The following GRID2 variants were observed in gnomAD, a reference collection of about 807,000 sequenced individuals.
GRID2 encodes the protein glutamate ionotropic receptor delta type subunit 2, also known as glutamate receptor ionotropic, delta-2.
GRID2 carries 33 observed loss-of-function variants against 114.8 expected under a neutral mutation model. The observed-to-expected ratio is 0.29, with a 90% CI of 0.22 to 0.38. GRID2 has a LOEUF of 0.38. Among genes scored for constraint, GRID2 ranks in the 10% least tolerant of loss-of-function variants. The probability of loss-of-function intolerance (pLI) is 1.00; values close to 1 mark genes in which losing one functional copy is unlikely to be tolerated. For synonymous variants in GRID2, 505 were observed against 449.9 expected, an observed-to-expected ratio of 1.12 and a Z score of -1.55; for missense variants, 1,184 against 1,257.7, an observed-to-expected ratio of 0.94 and a Z score of 0.89.
At chr4:92,611,893 G>A (rs1560488617) in intron 2 of GRID2, among the ~76,000 whole-genome samples, 1 of 150,152 alleles carries the variant, frequency 6.7e-6, no homozygotes, top group Non-Finnish European at 1.5e-5. Flanking sequence ...CTTGATAAGA[G>A]TTTTTTTTTA....
At chr4:92,576,872 G>A (rs971265313) in intron 1 of GRID2, among the ~76,000 whole-genome samples, 5 of 152,018 alleles carry the variant, frequency 3.3e-5, no homozygotes, top group Admixed American at 2.0e-4. Context: ...TTCTGGGTCT[G>A]GGATCTGTTC....
intron 2 of GRID2, among the ~76,000 whole-genome samples, chr4:93,078,890 CTAA>C (rs1729607511): frequency 6.9e-6 from 1 of 144,486 alleles, no homozygotes. Flanking sequence ...TGTATATTTA[CTAA>C]TTTTTGTCTT....
chr4:93,419,391 T>G (rs1324077183), intron 9 of GRID2, among the ~76,000 whole-genome samples: 2 of 152,020 alleles, frequency 1.3e-5, no homozygotes, highest in Non-Finnish European at 2.9e-5. Flanking sequence ...TAAGTATTAC[T>G]GCAGAGAAGG....
At chr4:93,677,873 C>G (rs190551782) in intron 14 of GRID2, among the ~76,000 whole-genome samples, 59 of 152,066 alleles carry the variant, frequency 3.9e-4, no homozygotes, top group African/African-American at 1.1e-3. Flanking sequence ...AAGCAGAGCG[C>G]CTCTCCTCCT....
chr4:93,154,579 A>C (rs1280058242), intron 4 of GRID2, among the ~76,000 whole-genome samples: 2 of 152,030 alleles, frequency 1.3e-5, no homozygotes, highest in Non-Finnish European at 2.9e-5. Context: ...TGCAATGTAC[A>C]GTAAGTAAGA....
At chr4:93,564,066 A>G (rs1332870872) in intron 13 of GRID2, among the ~76,000 whole-genome samples, 11 of 151,982 alleles carry the variant, frequency 7.2e-5, no homozygotes, top group Admixed American at 7.2e-4. Context: ...GAAAATAAAT[A>G]TATAGAAACT....
rs1421896179 is a variant in GRID2 at position 93,070,895 on chromosome 4, C to G, written c.245-14100C>G. Among the ~76,000 whole-genome samples the G allele has an allele frequency of 2.6e-5, 4 of 151,964 alleles. No individual in the cohort carries two copies. In the East Asian group the frequency reaches 7.7e-4, roughly 29 times the overall value. ...TGTGGAGTATGCTAGCTATGAATTTCTAGCTATGAATTAAATGTTCTAATT... is the reference window on the plus strand; with the variant it reads ...TGTGGAGTATGCTAGCTATGAATTTGTAGCTATGAATTAAATGTTCTAATT... On this transcript the variant is annotated intron_variant, in intron 2 of 15. Coordinates refer to ENST00000282020, the MANE Select transcript of GRID2 (RefSeq NM_001510.4).
At chr4:92,438,444 C>T (rs943114801) in intron 1 of GRID2, among the ~76,000 whole-genome samples, 1 of 151,820 alleles carries the variant, frequency 6.6e-6, no homozygotes, top group Non-Finnish European at 1.5e-5. Context: ...ATATCTAACA[C>T]CAATTTTCTT....
chr4:92,519,366 A>G (rs1012407980), intron 1 of GRID2, among the ~76,000 whole-genome samples: 1 of 151,782 alleles, frequency 6.6e-6, no homozygotes, highest in Non-Finnish European at 1.5e-5. Flanking sequence ...ACCTGCTATA[A>G]TATCTAAAAA....
chr4:93,286,689 GT>G (rs369930288), intron 8 of GRID2, among the ~76,000 whole-genome samples: 71,023 of 144,552 alleles, frequency 0.49, 16,971 homozygotes, highest in Admixed American at 0.52. Context: ...GTGTGTGTGT[GT>G]GGGGGTGTGT....
At chr4:92,735,860 G>A (rs532910332) in intron 2 of GRID2, among the ~76,000 whole-genome samples, 2 of 152,026 alleles carry the variant, frequency 1.3e-5, no homozygotes, top group Middle Eastern at 3.4e-3. Flanking sequence ...TTTGGATCTT[G>A]AGGTCACATG....
chr4:92,537,899 A>C (rs1377952148), intron 1 of GRID2, among the ~76,000 whole-genome samples: 1 of 151,494 alleles, frequency 6.6e-6, no homozygotes, highest in Non-Finnish European at 1.5e-5. Context: ...TTCATATCCT[A>C]TTTTGACAAT....
At chr4:92,832,015 G>C (rs1560622787) in intron 2 of GRID2, among the ~76,000 whole-genome samples, 1 of 151,910 alleles carries the variant, frequency 6.6e-6, no homozygotes, top group Non-Finnish European at 1.5e-5. Flanking sequence ...TGTATAAAAA[G>C]GATGTAATAA....
chr4:93,262,194 C>G (rs1368907630), intron 8 of GRID2, among the ~76,000 whole-genome samples: 1 of 151,802 alleles, frequency 6.6e-6, no homozygotes, highest in Non-Finnish European at 1.5e-5. Context: ...TTCAGAAACC[C>G]AGTCAAAAAT....
At chr4:93,670,094 T>C (rs62319363) in intron 14 of GRID2, among the ~76,000 whole-genome samples, 32 of 152,320 alleles carry the variant, frequency 2.1e-4, no homozygotes, top group Middle Eastern at 3.4e-3. Flanking sequence ...TAGTAAAGTA[T>C]GGCAAAAAGC....
At chr4:93,480,015 C>T (rs1437066557) in intron 11 of GRID2, among the ~76,000 whole-genome samples, 1 of 152,054 alleles carries the variant, frequency 6.6e-6, no homozygotes, top group Non-Finnish European at 1.5e-5. Flanking sequence ...ACTTCATTCA[C>T]AAAATAGCTT....
intron 4 of GRID2, among the ~76,000 whole-genome samples, chr4:93,149,117 C>T (rs4574371): frequency 0.39 from 59,772 of 151,616 alleles, 12,169 homozygotes; most frequent in Admixed American, 0.54. Flanking sequence ...GCAGCAGATC[C>T]CGTGTGACGC....
intron 2 of GRID2, among the ~76,000 whole-genome samples, chr4:92,706,826 T>C (rs1734979592): frequency 6.6e-6 from 1 of 152,166 alleles, no homozygotes; most frequent in Non-Finnish European, 1.5e-5. Context: ...TAATTACAAC[T>C]ACTGTCTAAA....
intron 1 of GRID2, among the ~76,000 whole-genome samples, chr4:92,456,641 A>T (rs559472238): frequency 6.6e-6 from 1 of 152,140 alleles, no homozygotes; most frequent in African/African-American, 2.4e-5. Flanking sequence ...ATCTAAAAAG[A>T]TCTAATCTAT....
Sources: allele counts gnomAD v4.1 joint callset (sites outside exome capture counted in the v4.1 genomes callset), GRCh38; gene constraint gnomAD v4.1.1; transcripts MANE v1.5; gene names NCBI Gene and HGNC (gene_info 2026-07-23, HGNC 2026-07-21).